The following ESR1 variants were observed in gnomAD, a reference collection of about 807,000 sequenced individuals.
The protein encoded by ESR1 is estrogen receptor 1, also known as estrogen receptor.
ESR1 carries 12 observed loss-of-function variants against 52.7 expected under a neutral mutation model. The observed-to-expected ratio is 0.23, with a 90% CI of 0.15 to 0.37. ESR1 has a LOEUF of 0.37. ESR1 is among the 10% of genes least tolerant of loss of function. The probability of loss-of-function intolerance (pLI) is 1.00; values close to 1 mark genes in which losing one functional copy is unlikely to be tolerated. For missense variants in ESR1, 584 were observed against 779.7 expected (o/e 0.75, Z 2.99); for synonymous variants, 305 against 316.8 (o/e 0.96, Z 0.39).
At chr6:151,966,217 A>G (rs561496524) in intron 4 of ESR1, among the ~76,000 whole-genome samples, 7 of 152,308 alleles carry the variant, frequency 4.6e-5, no homozygotes, top group African/African-American at 1.4e-4. Context: ...GCCCCACTAT[A>G]TATTCTAAAA....
At chr6:152,029,228 G>C (rs1562694126) in intron 5 of ESR1, among the ~76,000 whole-genome samples, 1 of 152,144 alleles carries the variant, frequency 6.6e-6, no homozygotes, top group East Asian at 1.9e-4. Context: ...CTAAAAATCA[G>C]AGCACCTCTC....
intron 2 of ESR1, among the ~76,000 whole-genome samples, chr6:151,754,479 C>T (rs546881757): frequency 9.9e-5 from 15 of 152,282 alleles, no homozygotes; most frequent in African/African-American, 3.4e-4. Flanking sequence ...TGATTGATTT[C>T]TCTCAGGCTA....
chr6:151,968,640 G>T (rs1270622943), intron 4 of ESR1, among the ~76,000 whole-genome samples: 2 of 152,032 alleles, frequency 1.3e-5, no homozygotes, highest in Admixed American at 6.6e-5. Flanking sequence ...GTCCATGGTG[G>T]TCTATTTGTA....
intron 3 of ESR1, among the ~76,000 whole-genome samples, chr6:151,881,013 AATT>A (rs1368857632): frequency 3.9e-5 from 6 of 152,254 alleles, no homozygotes; most frequent in Admixed American, 2.6e-4. Context: ...CAATGTAAAT[AATT>A]ATATTTTAAA....
chr6:151,740,233 C>T (rs925322175), intron 2 of ESR1, among the ~76,000 whole-genome samples: 33 of 151,620 alleles, frequency 2.2e-4, no homozygotes, highest in African/African-American at 4.1e-4. Context: ...ATTCTTTTGC[C>T]TCAGCCTCCT....
chr6:152,099,214 T>G lies in ESR1; in HGVS notation c.*248T>G. ...ACAGCTCTCTTTCCCCCTTGCTATG[T>G]TACTAAGCGTGAGGATTCCCGTAGC... On this transcript the variant is annotated 3_prime_UTR_variant, in exon 8 of 8. Coordinates refer to ENST00000206249, the MANE Select transcript of ESR1 (RefSeq NM_000125.4). The G allele has an allele frequency of 1.8e-6, 1 of 548,522 alleles. No individual in the cohort carries two copies. Among genetic ancestry groups the G allele is most frequent in the South Asian group, 2.0e-5 (1 of 50,370 alleles). The allele number at this position is 548,522 out of a possible 1,614,324, so 34.0% of individuals were successfully genotyped here.
At chr6:151,890,507 C>G (rs1794549654) in intron 3 of ESR1, among the ~76,000 whole-genome samples, 1 of 152,190 alleles carries the variant, frequency 6.6e-6, no homozygotes, top group South Asian at 2.1e-4. Flanking sequence ...TCCATCTGTG[C>G]TAAAGTATAG....
chr6:151,873,525 G>A (rs977494510), intron 2 of ESR1, among the ~76,000 whole-genome samples: 15 of 152,296 alleles, frequency 9.8e-5, no homozygotes, highest in South Asian at 4.1e-4. Context: ...TCTTGGAAGC[G>A]TCTACTCAGG....
chr6:152,023,366 A>G (rs1372240599), intron 5 of ESR1, among the ~76,000 whole-genome samples: 1 of 152,228 alleles, frequency 6.6e-6, no homozygotes, highest in Non-Finnish European at 1.5e-5. Context: ...TCATCTGCCC[A>G]TAATCCAAAT....
chr6:151,718,554 C>A (rs573638431), intron 2 of ESR1, among the ~76,000 whole-genome samples: 3 of 152,190 alleles, frequency 2.0e-5, no homozygotes, highest in Non-Finnish European at 4.4e-5. Context: ...AAAAAGAAAT[C>A]ACATCTGTCC....
In ESR1 at chr6:152,101,882, C is replaced by G. The variant is rs1254136389; in HGVS notation, c.*2916C>G. 4.5e-6 allele frequency: 1 copy of G among 221,094 alleles called. No individual in the cohort carries two copies. The highest frequency in any genetic ancestry group is 9.1e-6 in the Non-Finnish European group (1 of 110,448). The allele number at this position is 221,094 out of a possible 1,614,324, so 13.7% of individuals were successfully genotyped here. ...CCTGGAGACCACAAATCAACTAGCTCCATTTACAGCCATTTCTAAAATGGC... is the reference window on the plus strand; with the variant it reads ...CCTGGAGACCACAAATCAACTAGCTGCATTTACAGCCATTTCTAAAATGGC... On this transcript the variant is annotated 3_prime_UTR_variant, in exon 8 of 8. Transcript: ENST00000206249.
Position 151,678,337 on chromosome 6 carries a change from G to A in ESR1, n.73+21574G>A, listed in dbSNP as rs542486678. ...AAAATACAAAAATTAGCCAGGTGTGGTGGTACACGCCTATAATCCCAGCTA... is the reference window on the plus strand; with the variant it reads ...AAAATACAAAAATTAGCCAGGTGTGATGGTACACGCCTATAATCCCAGCTA... On this transcript the variant is annotated intron_variant and non_coding_transcript_variant, in intron 1 of 2. Transcript: ENST00000473497. 5.9e-5 allele frequency among the ~76,000 whole-genome samples: 9 copies of A among 152,182 alleles called. No individual in the cohort carries two copies. The South Asian group carries it at 1.9e-3, about 32-fold the overall frequency.
At chr6:152,008,921 C>T (rs558574976) in intron 4 of ESR1, among the ~76,000 whole-genome samples, 4 of 152,138 alleles carry the variant, frequency 2.6e-5, no homozygotes, top group South Asian at 2.1e-4. Context: ...AGAGGGCTTT[C>T]GTTTTAAGTA....
intron 1 of ESR1, among the ~76,000 whole-genome samples, chr6:151,821,931 G>A (rs1011568303): frequency 3.9e-5 from 6 of 152,118 alleles, no homozygotes; most frequent in Non-Finnish European, 5.9e-5. Context: ...CCCATATGTC[G>A]GAAGTATAAC....
At chr6:152,060,490 T>C (rs1313685709) in intron 5 of ESR1, among the ~76,000 whole-genome samples, 2 of 152,198 alleles carry the variant, frequency 1.3e-5, no homozygotes, top group Non-Finnish European at 2.9e-5. Flanking sequence ...AGCCCAACCA[T>C]AGCCCATAGT....
At chr6:151,799,330 A>G (rs1186604884) in intron 2 of ESR1, among the ~76,000 whole-genome samples, 1 of 152,258 alleles carries the variant, frequency 6.6e-6, no homozygotes, top group African/African-American at 2.4e-5. Flanking sequence ...ATAAAGAAAC[A>G]TTCATTCTAA....
chr6:151,860,281 C>T (rs1158574301), intron 2 of ESR1, among the ~76,000 whole-genome samples: 1 of 152,040 alleles, frequency 6.6e-6, no homozygotes, highest in Admixed American at 6.6e-5. Context: ...AGTGAGAGCA[C>T]CTGAAATCTC....
chr6:151,954,461 T>C (rs1434393738), intron 4 of ESR1, among the ~76,000 whole-genome samples: 4 of 152,234 alleles, frequency 2.6e-5, no homozygotes, highest in Non-Finnish European at 5.9e-5. Flanking sequence ...AATAAAATGA[T>C]GGAAGTGCCC....
intron 4 of ESR1, among the ~76,000 whole-genome samples, chr6:151,989,459 A>C (rs769494913): frequency 3.3e-5 from 5 of 151,744 alleles, no homozygotes; most frequent in Non-Finnish European, 7.4e-5. Flanking sequence ...GAACCTAAAA[A>C]ATTAACTTCA....
Sources: gnomAD v4.1 joint callset for allele counts (sites outside exome capture counted in the v4.1 genomes callset) on GRCh38, gnomAD v4.1.1 for gene constraint, MANE v1.5 for transcripts, NCBI Gene and HGNC (gene_info 2026-07-23, HGNC 2026-07-21) for gene names.